IL7: variants seen among roughly 807,000 people sequenced by gnomAD.
IL7 encodes the protein interleukin 7.
Under a neutral mutation model 21.6 loss-of-function variants are expected in IL7, and 3 were observed. The ratio of observed to expected loss-of-function variants is 0.14; its 90% CI spans 0.06 to 0.36. The LOEUF (loss-of-function observed/expected upper bound fraction) is 0.36, where lower values mean the gene tolerates loss of function less well. IL7 is among the 10% of genes least tolerant of loss of function. IL7 has a pLI of 1.00. For synonymous variants in IL7, 62 were observed against 68.1 expected (o/e 0.91, Z 0.44); for missense variants, 175 against 200.2 (o/e 0.87, Z 0.76).
chr8:78,737,054 A>G (rs1811617283), intron 4 of IL7, among the ~76,000 whole-genome samples: 2 of 152,152 alleles, frequency 1.3e-5, no homozygotes, highest in African/African-American at 4.8e-5. Context: ...AAGTTAATCA[A>G]TGTAATATAA....
At chr8:78,715,523 C>T (rs1255247747), downstream of IL7, among the ~76,000 whole-genome samples, 3 of 152,104 alleles carry the variant, frequency 2.0e-5, no homozygotes, top group Admixed American at 1.3e-4. Context: ...AGGATTAACC[C>T]TTCTACATGC....
intron 2 of IL7, among the ~76,000 whole-genome samples, chr8:78,776,311 C>T (rs1314234293): frequency 1.3e-5 from 2 of 152,040 alleles, no homozygotes; most frequent in Non-Finnish European, 2.9e-5. Flanking sequence ...GGATGATTCA[C>T]CCCTTGGATG....
chr8:78,735,997 T>G (rs1811579715), intron 5 of IL7, among the ~76,000 whole-genome samples: 1 of 151,002 alleles, frequency 6.6e-6, no homozygotes, highest in South Asian at 2.1e-4. Flanking sequence ...TCTAGTAGTA[T>G]ATGTATAAAT....
chr8:78,751,767 T>G (rs2130735478), intron 2 of IL7, among the ~76,000 whole-genome samples: 1 of 152,338 alleles, frequency 6.6e-6, no homozygotes, highest in South Asian at 2.1e-4. Flanking sequence ...CTTTCTGTTA[T>G]GAACAATCCA....
intron 3 of IL7, chr8:78,689,219 T>C (rs569657473): frequency 1.9e-6 from 3 of 1,550,392 alleles, no homozygotes; most frequent in East Asian, 4.7e-5. Context: ...TTATCTGTTA[T>C]AGATTATATT....
chr8:78,745,029 G>A (rs950826769), intron 2 of IL7, among the ~76,000 whole-genome samples: 6 of 152,166 alleles, frequency 3.9e-5, no homozygotes, highest in African/African-American at 1.2e-4. Flanking sequence ...ATGTTTCAGT[G>A]GAAGGTGCTG....
Position 78,686,398 on chromosome 8 carries a change from G to A in IL7, n.215-451C>T, listed in dbSNP as rs554946022. On this transcript the variant is annotated intron_variant and non_coding_transcript_variant, in intron 3 of 4. Transcript: ENST00000523959. ...TTAAAATGATATGGAATTATCTGAT[G>A]TTTTATTTCAATATACTAAAAAGAT... The A allele has an allele frequency of 4.0e-4, 468 of 1,178,980 alleles. 1 individual carries two copies. In the African/African-American group the frequency reaches 6.8e-3, roughly 17 times the overall value. 73.0% of individuals were successfully genotyped at this position (1,178,980 alleles called of 1,614,324 possible).
chr8:78,704,954 G>A (rs1374185861), intron 3 of IL7, among the ~76,000 whole-genome samples: 1 of 152,138 alleles, frequency 6.6e-6, no homozygotes, highest in Non-Finnish European at 1.5e-5. Flanking sequence ...TATCAGGTTG[G>A]TTATGTTCTT....
At chr8:78,703,518 CCATTATGTAATACCCTTCTTT>C (rs1437073113) in intron 3 of IL7, among the ~76,000 whole-genome samples, 1 of 147,320 alleles carries the variant, frequency 6.8e-6, no homozygotes, top group Non-Finnish European at 1.5e-5. Flanking sequence ...GAACCCTTTA[CCATTATGTAATACCCTTCTTT>C]TTTTTTTTTT....
intron 2 of IL7, among the ~76,000 whole-genome samples, chr8:78,793,754 G>A (rs1409510671): frequency 1.3e-5 from 2 of 152,106 alleles, no homozygotes; most frequent in Non-Finnish European, 2.9e-5. Context: ...ATGTGATACT[G>A]TTTGAAAGCA....
At chr8:78,689,478 G>T (rs1810137897) in intron 3 of IL7, 2 of 1,045,052 alleles carry the variant, frequency 1.9e-6, no homozygotes, top group South Asian at 5.6e-5. Flanking sequence ...TTTCTCACCT[G>T]CTTTTATAGA....
chr8:78,725,248 G>T (rs1447181831), intron 3 of IL7, among the ~76,000 whole-genome samples: 1 of 151,906 alleles, frequency 6.6e-6, no homozygotes, highest in African/African-American at 2.4e-5. Flanking sequence ...GGATGGTGGA[G>T]TTTAGTGGAG....
intron 2 of IL7, among the ~76,000 whole-genome samples, chr8:78,750,532 C>T (rs188735718): frequency 6.6e-6 from 1 of 152,240 alleles, no homozygotes; most frequent in East Asian, 1.9e-4. Flanking sequence ...TTTTAAAAGT[C>T]TATGATTGAG....
chr8:78,689,503 T>TATCTATAAA (rs1810139858), intron 3 of IL7: 39 of 810,472 alleles, frequency 4.8e-5, no homozygotes, highest in Non-Finnish European at 6.4e-5. Flanking sequence ...TAGTTTTATA[T>TATCTATAAA]ATCTATAAAA....
chr8:78,727,505 G>A, intron 3 of IL7, among the ~76,000 whole-genome samples: 1 of 151,940 alleles, frequency 6.6e-6, no homozygotes, highest in East Asian at 1.9e-4. Context: ...ACAAGTATTT[G>A]TTTACATTTT....
chr8:78,762,452 G>T, intron 2 of IL7: 3 of 1,568,126 alleles, frequency 1.9e-6, no homozygotes, highest in Non-Finnish European at 1.7e-6. Context: ...CCGCCGGCCG[G>T]TCCAGCCCTC....
intron 3 of IL7, chr8:78,724,177 C>T (rs1811299722): frequency 6.6e-6 from 1 of 152,070 alleles, no homozygotes; most frequent in Non-Finnish European, 1.5e-5. Context: ...AGCAAGAGGA[C>T]ATTTTAAAAC....
chr8:78,746,739 A>G (rs1487293593), intron 2 of IL7, among the ~76,000 whole-genome samples: 1 of 152,214 alleles, frequency 6.6e-6, no homozygotes, highest in African/African-American at 2.4e-5. Flanking sequence ...AGGTAAATGC[A>G]TATTACTGTA....
chr8:78,779,803 G>T (rs186984910), intron 2 of IL7, among the ~76,000 whole-genome samples: 1 of 152,034 alleles, frequency 6.6e-6, no homozygotes, highest in Non-Finnish European at 1.5e-5. Context: ...AATAATTTCA[G>T]AAAAAATGGT....
Sources: allele counts gnomAD v4.1 joint callset (sites outside exome capture counted in the v4.1 genomes callset), GRCh38; gene constraint gnomAD v4.1.1; transcripts MANE v1.5; gene names NCBI Gene and HGNC (gene_info 2026-07-23, HGNC 2026-07-21).